VPS8: variants seen among roughly 807,000 people sequenced by gnomAD.
The protein encoded by VPS8 is vacuolar protein sorting-associated protein 8 homolog.
VPS8 carries 129 observed loss-of-function variants against 216.4 expected under a neutral mutation model. That is an observed-to-expected ratio of 0.60 (90% CI 0.52 to 0.69). The LOEUF (loss-of-function observed/expected upper bound fraction) is 0.69. VPS8 is among the 30% of genes least tolerant of loss of function. The pLI is 0.00. For missense variants in VPS8, 1,531 were observed against 1,683.5 expected (o/e 0.91, Z 1.59); for synonymous variants, 571 against 565.4 (o/e 1.01, Z -0.14).
intron 36 of VPS8, among the ~76,000 whole-genome samples, chr3:184,942,617 C>A (rs1159079976): frequency 1.3e-5 from 2 of 152,180 alleles, no homozygotes; most frequent in African/African-American, 4.8e-5. Context: ...TTGTATTGAT[C>A]TGCCTCCAAA....
chr3:184,875,152 G>A (rs140896534), intron 21 of VPS8, among the ~76,000 whole-genome samples: 6 of 148,300 alleles, frequency 4.0e-5, no homozygotes, highest in Middle Eastern at 3.7e-3. Flanking sequence ...CCTCTAATTC[G>A]GTTAGTTGAA....
At chr3:184,883,231 T>C (rs1206551816) in intron 21 of VPS8, among the ~76,000 whole-genome samples, 1 of 152,216 alleles carries the variant, frequency 6.6e-6, no homozygotes, top group East Asian at 1.9e-4. Context: ...ATGTAGTCCC[T>C]TTGTGACTGC....
chr3:185,013,459 A>C lies in VPS8; in HGVS notation c.4003-10877A>C, dbSNP rs150800771. Among the ~76,000 whole-genome samples the C allele has an allele frequency of 6.2e-3, 939 of 152,296 alleles. 8 individuals carry two copies. Among genetic ancestry groups the C allele is most frequent in the African/African-American group, 0.021 (878 of 41,556 alleles). Reference sequence around the variant, plus strand: ...CTTCCAAGTGTTTTTATCCATTTTAATGGGTTACTAGCTGCTAATTTGTCT... The same window carrying C: ...CTTCCAAGTGTTTTTATCCATTTTACTGGGTTACTAGCTGCTAATTTGTCT... On this transcript the variant is annotated intron_variant, in intron 45 of 47. Transcript: ENST00000625842.
intron 42 of VPS8, among the ~76,000 whole-genome samples, chr3:184,987,301 A>G (rs1473490196): frequency 6.6e-6 from 1 of 151,804 alleles, no homozygotes; most frequent in Non-Finnish European, 1.5e-5. Flanking sequence ...TTTAATAGAG[A>G]TGGGGTCTTG....
intron 7 of VPS8, among the ~76,000 whole-genome samples, chr3:184,840,697 G>A (rs964761245): frequency 6.6e-6 from 1 of 152,136 alleles, no homozygotes; most frequent in Non-Finnish European, 1.5e-5. Flanking sequence ...GGGCAACACA[G>A]TGAGACTCCA....
intron 45 of VPS8, among the ~76,000 whole-genome samples, chr3:185,018,056 T>G (rs1481929203): frequency 6.6e-6 from 1 of 152,104 alleles, no homozygotes; most frequent in Admixed American, 6.6e-5. Flanking sequence ...GGAAATGGAG[T>G]ATTTCCTTTA....
intron 45 of VPS8, among the ~76,000 whole-genome samples, chr3:185,009,274 T>A (rs1327814868): frequency 6.6e-6 from 1 of 152,180 alleles, no homozygotes; most frequent in African/African-American, 2.4e-5. Context: ...TGTTGTCCAA[T>A]AAAATGTGAA....
intron 5 of VPS8, chr3:184,836,101 T>G (rs1305550681): frequency 2.8e-6 from 1 of 356,794 alleles, no homozygotes; most frequent in Non-Finnish European, 5.5e-6. Context: ...GAAAAAGCCC[T>G]TAGTGCAAAT....
chr3:185,032,711 G>A (rs1758343371), intron 46 of VPS8, among the ~76,000 whole-genome samples: 1 of 152,050 alleles, frequency 6.6e-6, no homozygotes, highest in Non-Finnish European at 1.5e-5. Context: ...TGTCGCCCAG[G>A]CTGGAGTGCA....
chr3:184,977,668 T>G (rs1749501776), intron 40 of VPS8, among the ~76,000 whole-genome samples: 1 of 151,938 alleles, frequency 6.6e-6, no homozygotes, highest in Non-Finnish European at 1.5e-5. Flanking sequence ...CTTCTGCATA[T>G]GGATACCCAG....
chr3:184,832,610 G>C, intron 3 of VPS8, 79 bp from the exon 4 acceptor site: 1 of 1,331,366 alleles, frequency 7.5e-7, no homozygotes, highest in East Asian at 2.4e-5. Flanking sequence ...TGTGTGCTCT[G>C]GAGAAACCCA....
At chr3:184,901,245 T>C in intron 25 of VPS8, 1 of 376,334 alleles carries the variant, frequency 2.7e-6, no homozygotes, top group Non-Finnish European at 4.7e-6. Context: ...AATGGAATTA[T>C]GTGCTATGTA....
intron 29 of VPS8, among the ~76,000 whole-genome samples, chr3:184,924,585 T>C (rs1739226883): frequency 6.6e-6 from 1 of 152,144 alleles, no homozygotes; most frequent in African/African-American, 2.4e-5. Context: ...AATATTTCTT[T>C]GAAATACTAC....
At position 184,924,965 on chromosome 3, in the gene VPS8, G is replaced by A; in HGVS notation, c.2558G>A (p.Arg853Lys). ...CCTGACAACACCTTGTTTGTAAACA[G>A]AACACTTTTTGATCAGGTAAGTGTC... ...AKPDNTLFVN[R>K]TLFDQVLEFL... Residue 853 changes from arginine to lysine, a missense_variant, in exon 30 of 48, where the codon AGA becomes AAA. Physicochemically the swap from Arg to Lys is conservative, Grantham distance 26. Coordinates refer to ENST00000625842, the MANE Select transcript of VPS8 (RefSeq NM_001009921.3). 1.9e-6 allele frequency: 3 copies of A among 1,613,582 alleles called. No homozygotes were observed. The highest frequency in any genetic ancestry group is 2.5e-6 in the Non-Finnish European group (3 of 1,179,758).
chr3:184,821,473 A>T (rs1253578072), intron 1 of VPS8, among the ~76,000 whole-genome samples: 5 of 151,740 alleles, frequency 3.3e-5, no homozygotes, highest in African/African-American at 1.2e-4. Flanking sequence ...CCTCCTGAGT[A>T]GCTGGGACTA....
intron 42 of VPS8, among the ~76,000 whole-genome samples, chr3:184,988,322 C>T (rs1751418283): frequency 6.6e-6 from 1 of 152,050 alleles, no homozygotes; most frequent in Non-Finnish European, 1.5e-5. Flanking sequence ...AGCTATGATC[C>T]ATTTTGTGTT....
chr3:184,960,149 C>T (rs1042560416), intron 37 of VPS8, among the ~76,000 whole-genome samples: 2 of 152,186 alleles, frequency 1.3e-5, no homozygotes, highest in Non-Finnish European at 2.9e-5. Context: ...TCATCCATGT[C>T]CCTACAAAGG....
intron 45 of VPS8, among the ~76,000 whole-genome samples, chr3:185,006,845 GCA>G: frequency 2.7e-4 from 1 of 3,684 alleles, no homozygotes; most frequent in African/African-American, 2.9e-4. Flanking sequence ...TCTGTCAAAT[GCA>G]GTCCTTTTGT....
intron 45 of VPS8, among the ~76,000 whole-genome samples, chr3:185,001,065 C>T (rs148480524): frequency 1.0e-3 from 156 of 152,320 alleles, no homozygotes; most frequent in African/African-American, 3.5e-3. Context: ...GTGTGATAGG[C>T]ACTGTGCCAG....
Sources: allele counts gnomAD v4.1 joint callset (sites outside exome capture counted in the v4.1 genomes callset), GRCh38; gene constraint gnomAD v4.1.1; transcripts MANE v1.5; gene names NCBI Gene and HGNC (gene_info 2026-07-23, HGNC 2026-07-21).